Variants in EPB41L3 observed in about 807,000 individuals in gnomAD.
The protein encoded by EPB41L3 is erythrocyte membrane protein band 4.1 like 3, also known as band 4.1-like protein 3.
A neutral mutation model predicts 127.1 loss-of-function variants in EPB41L3; 57 were observed. The observed-to-expected ratio is 0.45, with a 90% CI of 0.36 to 0.56. EPB41L3 has a LOEUF of 0.56. EPB41L3 is among the 20% of genes least tolerant of loss of function. EPB41L3 has a pLI of 0.00. For synonymous variants in EPB41L3, 572 were observed against 549.5 expected, an observed-to-expected ratio of 1.04 and a Z score of -0.57; for missense variants, 1,273 against 1,372.2, an observed-to-expected ratio of 0.93 and a Z score of 1.14.
chr18:5,608,795 G>C (rs1431305835), intron 3 of EPB41L3, among the ~76,000 whole-genome samples: 1 of 152,130 alleles, frequency 6.6e-6, no homozygotes, highest in African/African-American at 2.4e-5. Context: ...GAATCCCAAA[G>C]GGAGATTTTT....
intron 8 of EPB41L3, 88 bp from the exon 9 acceptor site, chr18:5,428,553 A>C: frequency 6.8e-7 from 1 of 1,478,374 alleles, no homozygotes; most frequent in Non-Finnish European, 9.3e-7. Flanking sequence ...CCACGACAGA[A>C]ACTATAAATG....
rs532773727 is a variant in EPB41L3, at chr18:5,461,228, C to T, written c.382-15984G>A. On this transcript the variant is annotated intron_variant, in intron 3 of 22. Coordinates refer to ENST00000341928, the MANE Select transcript of EPB41L3 (RefSeq NM_012307.5). Reference sequence around the variant, plus strand: ...TGGCATTTCCCTAAGGAATGTGGTGCCTCTTTAGTGACTTTATTTGCTGTC... The same window carrying T: ...TGGCATTTCCCTAAGGAATGTGGTGTCTCTTTAGTGACTTTATTTGCTGTC... Among the ~76,000 whole-genome samples, 90 of 152,228 alleles carry T rather than the reference C, an allele frequency of 5.9e-4. 1 individual carries two copies. Among genetic ancestry groups the T allele is most frequent in the Admixed American group, 4.4e-3 (68 of 15,298 alleles).
chr18:5,565,039 T>C (rs1192540813), intron 3 of EPB41L3, among the ~76,000 whole-genome samples: 2 of 152,308 alleles, frequency 1.3e-5, no homozygotes, highest in Non-Finnish European at 2.9e-5. Context: ...GGAGCACGCA[T>C]GCCCCTGGGA....
At chr18:5,572,747 A>T (rs2094296474) in intron 3 of EPB41L3, among the ~76,000 whole-genome samples, 3 of 151,856 alleles carry the variant, frequency 2.0e-5, no homozygotes, top group Admixed American at 1.3e-4. Flanking sequence ...GTAATTTTTT[A>T]AAATTTTGTA....
Position 5,490,315 on chromosome 18 carries a change from G to A in EPB41L3, c.-11-1121C>T, listed in dbSNP as rs576187073. Among the ~76,000 whole-genome samples the A allele has an allele frequency of 1.3e-3, 195 of 152,220 alleles. 2 individuals are homozygous for A. The highest frequency in any genetic ancestry group is 4.5e-3 in the African/African-American group (186 of 41,540). On this transcript the variant is annotated intron_variant, in intron 1 of 22. Transcript: ENST00000341928. ...ATTTTATAGTAAAAGTATGAGCAAA[G>A]GACTAGTGTAGTGCTTTAGGCAAAT...
intron 1 of EPB41L3, among the ~76,000 whole-genome samples, chr18:5,535,232 C>A (rs1374933579): frequency 1.3e-5 from 2 of 152,090 alleles, no homozygotes; most frequent in African/African-American, 4.8e-5. Context: ...AAACCCCAAC[C>A]TCTGTGCCAA....
At chr18:5,598,554 T>G (rs2094558917) in intron 3 of EPB41L3, among the ~76,000 whole-genome samples, 1 of 152,170 alleles carries the variant, frequency 6.6e-6, no homozygotes, top group Non-Finnish European at 1.5e-5. Flanking sequence ...AAGCAAAAGT[T>G]CTTTGTGGAT....
chr18:5,504,695 G>A (rs940871644), intron 1 of EPB41L3, among the ~76,000 whole-genome samples: 4 of 152,100 alleles, frequency 2.6e-5, no homozygotes, highest in Non-Finnish European at 4.4e-5. Flanking sequence ...CTGTGGAATC[G>A]ACAAGCTATT....
chr18:5,447,509 T>A (rs934573003), intron 3 of EPB41L3, among the ~76,000 whole-genome samples: 1 of 147,272 alleles, frequency 6.8e-6, no homozygotes, highest in African/African-American at 2.5e-5. Context: ...TACATATCAG[T>A]GTCTGGCCAA....
At chr18:5,482,784 A>G (rs906384348) in intron 2 of EPB41L3, among the ~76,000 whole-genome samples, 2 of 152,184 alleles carry the variant, frequency 1.3e-5, no homozygotes, top group African/African-American at 4.8e-5. Context: ...TAAAGGAGAG[A>G]TCAAATCTTT....
At chr18:5,510,105 T>A (rs558865614) in intron 1 of EPB41L3, among the ~76,000 whole-genome samples, 3 of 152,322 alleles carry the variant, frequency 2.0e-5, no homozygotes, top group African/African-American at 7.2e-5. Context: ...TAATGGGATA[T>A]GACTTTGTAC....
Position 5,393,402 on chromosome 18 carries a change from A to G in EPB41L3, c.*83T>C. 1 of 684,820 alleles carries G rather than the reference A, an allele frequency of 1.5e-6. No homozygotes were observed. 42.4% of individuals were successfully genotyped at this position (684,820 alleles called of 1,614,324 possible). A position where few individuals can be genotyped will look rare whatever the true frequency, so the allele number is the denominator to read the frequency against. ...CGGACAGATACAAGTCAGTTGGGTT[A>G]GAAGAGGGAACTCCATATAGGCTCT... On this transcript the variant is annotated 3_prime_UTR_variant, in exon 23 of 23. Coordinates refer to ENST00000341928, the MANE Select transcript of EPB41L3 (RefSeq NM_012307.5).
intron 3 of EPB41L3, 83 bp from the exon 4 acceptor site, chr18:5,445,327 T>A (rs960015526): frequency 7.4e-6 from 8 of 1,084,392 alleles, no homozygotes; most frequent in South Asian, 4.1e-5. Flanking sequence ...CAGGTAATAT[T>A]TAAAACATTG....
intron 1 of EPB41L3, among the ~76,000 whole-genome samples, chr18:5,529,742 C>T (rs2093350123): frequency 6.6e-6 from 1 of 152,134 alleles, no homozygotes; most frequent in African/African-American, 2.4e-5. Context: ...TCTCTAGTGA[C>T]CTCAGCTTCT....
At chr18:5,449,787 G>A (rs2082036135) in intron 3 of EPB41L3, among the ~76,000 whole-genome samples, 1 of 152,122 alleles carries the variant, frequency 6.6e-6, no homozygotes, top group Non-Finnish European at 1.5e-5. Flanking sequence ...TACGTTCCAA[G>A]GCCCCTAATG....
chr18:5,540,928 CA>C (rs1243515641), intron 1 of EPB41L3, among the ~76,000 whole-genome samples: 5 of 151,758 alleles, frequency 3.3e-5, no homozygotes, highest in Non-Finnish European at 5.9e-5. Context: ...ACCAAAAATA[CA>C]AAAAAATTAG....
intron 3 of EPB41L3, among the ~76,000 whole-genome samples, chr18:5,550,275 C>T (rs1325202628): frequency 1.3e-5 from 2 of 152,148 alleles, no homozygotes; most frequent in African/African-American, 2.4e-5. Flanking sequence ...CCCTGGGCTG[C>T]TTAGTAAAAC....
intron 3 of EPB41L3, among the ~76,000 whole-genome samples, chr18:5,598,079 C>A (rs1484909472): frequency 6.6e-6 from 1 of 152,208 alleles, no homozygotes; most frequent in Non-Finnish European, 1.5e-5. Context: ...TAGGCCTCAT[C>A]TTACTTATAC....
chr18:5,617,228 C>A (rs1189210162), intron 1 of EPB41L3, among the ~76,000 whole-genome samples: 2 of 151,940 alleles, frequency 1.3e-5, no homozygotes, highest in East Asian at 3.9e-4. Context: ...TGTAACAGTA[C>A]CTTGCTTATA....
Sources: allele counts gnomAD v4.1 joint callset (sites outside exome capture counted in the v4.1 genomes callset), GRCh38; gene constraint gnomAD v4.1.1; transcripts MANE v1.5; gene names NCBI Gene and HGNC (gene_info 2026-07-23, HGNC 2026-07-21).